Variants in VPS8 observed in about 807,000 individuals in gnomAD.
VPS8 encodes vacuolar protein sorting-associated protein 8 homolog.
In VPS8, 129 loss-of-function variants were observed where a neutral mutation model predicts 216.4. That is an observed-to-expected ratio of 0.60 (90% CI 0.52 to 0.69). VPS8 has a LOEUF of 0.69. Among genes scored for constraint, VPS8 ranks in the 30% least tolerant of loss-of-function variants. The pLI, the probability that VPS8 is intolerant of heterozygous loss-of-function variation, is 0.00. For missense variants in VPS8, 1,531 were observed against 1,683.5 expected, an observed-to-expected ratio of 0.91 and a Z score of 1.59; for synonymous variants, 571 against 565.4, an observed-to-expected ratio of 1.01 and a Z score of -0.14.
chr3:184,826,722 T>C (rs1208983330), intron 3 of VPS8, among the ~76,000 whole-genome samples: 3 of 152,272 alleles, frequency 2.0e-5, no homozygotes, highest in South Asian at 2.1e-4. Flanking sequence ...ACCACTGATA[T>C]TCAAATAGCT....
intron 39 of VPS8, among the ~76,000 whole-genome samples, chr3:184,970,372 A>G (rs544462400): frequency 6.6e-6 from 1 of 152,360 alleles, no homozygotes; most frequent in Admixed American, 6.5e-5. Flanking sequence ...AGATAAGTAA[A>G]TAAAACCTTG....
intron 35 of VPS8, among the ~76,000 whole-genome samples, chr3:184,938,326 T>A (rs1316201577): frequency 6.6e-6 from 1 of 152,206 alleles, no homozygotes; most frequent in Non-Finnish European, 1.5e-5. Flanking sequence ...AAACATTAAG[T>A]GCTGAGGATA....
At chr3:184,957,312 A>C in intron 36 of VPS8, 62 bp from the exon 37 acceptor site, 3 of 1,500,228 alleles carry the variant, frequency 2.0e-6, no homozygotes, top group Non-Finnish European at 2.7e-6. Context: ...GGTAGCTTTT[A>C]ATTATAGATG....
At chr3:185,048,001 C>A (rs1312532383) in intron 46 of VPS8, among the ~76,000 whole-genome samples, 8 of 152,188 alleles carry the variant, frequency 5.3e-5, no homozygotes, top group Non-Finnish European at 1.2e-4. Context: ...TTCCCAAAAG[C>A]AGCAGACGAA....
intron 21 of VPS8, among the ~76,000 whole-genome samples, chr3:184,871,127 G>A (rs1728264972): frequency 6.6e-6 from 1 of 151,718 alleles, no homozygotes; most frequent in Non-Finnish European, 1.5e-5. Flanking sequence ...ATGTTAACCA[G>A]GTTATTTAGT....
At chr3:184,923,709 C>T (rs181223412) in intron 29 of VPS8, among the ~76,000 whole-genome samples, 27 of 152,300 alleles carry the variant, frequency 1.8e-4, no homozygotes, top group Non-Finnish European at 2.8e-4. Context: ...CATGCTGCTG[C>T]ATTCTAATAA....
chr3:184,964,406 G>A, intron 37 of VPS8, 62 bp from the exon 38 acceptor site: 2 of 1,041,070 alleles, frequency 1.9e-6, no homozygotes, highest in Non-Finnish European at 2.6e-6. Context: ...ATCCTCAATG[G>A]GATCTTCCCA....
chr3:184,931,693 T>C (rs1194046838), intron 34 of VPS8, among the ~76,000 whole-genome samples: 1 of 152,174 alleles, frequency 6.6e-6, no homozygotes, highest in Non-Finnish European at 1.5e-5. Context: ...GAATATGTTA[T>C]TTAGTGTTGT....
intron 7 of VPS8, 98 bp downstream of exon 7, chr3:184,839,850 T>C: frequency 6.8e-7 from 1 of 1,463,170 alleles, no homozygotes; most frequent in South Asian, 1.4e-5. Flanking sequence ...CTTGATTTTC[T>C]TGAACAAAAC....
intron 1 of VPS8, among the ~76,000 whole-genome samples, chr3:184,820,645 A>G (rs893630719): frequency 9.9e-5 from 15 of 152,132 alleles, no homozygotes; most frequent in Admixed American, 9.8e-4. Context: ...CTTTTAAAAA[A>G]AATTTGAGCA....
At chr3:184,937,459 T>A (rs1370329895) in intron 35 of VPS8, among the ~76,000 whole-genome samples, 1 of 152,228 alleles carries the variant, frequency 6.6e-6, no homozygotes, top group Non-Finnish European at 1.5e-5. Flanking sequence ...TCTCTACCAG[T>A]GTGCTAGGCC....
intron 46 of VPS8, among the ~76,000 whole-genome samples, chr3:185,024,849 A>T (rs1233178428): frequency 6.6e-6 from 1 of 152,136 alleles, no homozygotes; most frequent in African/African-American, 2.4e-5. Context: ...CTAAAAATAG[A>T]AAATTAGCTC....
At chr3:184,971,888 A>G in intron 40 of VPS8, 136 bp downstream of exon 40, 1 of 631,230 alleles carries the variant, frequency 1.6e-6, no homozygotes, top group Non-Finnish European at 2.8e-6. Flanking sequence ...CAGCCTGACC[A>G]ACATGGAGAA....
intron 42 of VPS8, among the ~76,000 whole-genome samples, chr3:184,985,500 G>A (rs1054668348): frequency 6.6e-6 from 1 of 152,128 alleles, no homozygotes; most frequent in Non-Finnish European, 1.5e-5. Flanking sequence ...TATTCATAGG[G>A]CTCTATTCAA....
At chr3:184,919,653 T>A (rs1738265618) in intron 28 of VPS8, among the ~76,000 whole-genome samples, 1 of 152,188 alleles carries the variant, frequency 6.6e-6, no homozygotes, top group African/African-American at 2.4e-5. Context: ...TAATAATTTT[T>A]AAAAATGCCT....
At chr3:184,917,983 T>G (rs1416862893) in intron 28 of VPS8, among the ~76,000 whole-genome samples, 9 of 152,046 alleles carry the variant, frequency 5.9e-5, no homozygotes. Flanking sequence ...ATCACATTGG[T>G]GATTAGGTTC....
At chr3:184,878,942 A>G (rs923538956) in intron 21 of VPS8, among the ~76,000 whole-genome samples, 1 of 152,184 alleles carries the variant, frequency 6.6e-6, no homozygotes, top group African/African-American at 2.4e-5. Flanking sequence ...GTATGCGTGT[A>G]TACATATGTA....
intron 47 of VPS8, among the ~76,000 whole-genome samples, chr3:185,051,602 C>G (rs1414764315): frequency 6.6e-6 from 1 of 152,158 alleles, no homozygotes; most frequent in Non-Finnish European, 1.5e-5. Context: ...TGGGAGAGCT[C>G]TCCAGTGCCA....
At chr3:184,851,725 A>G (rs886200583) in intron 10 of VPS8, among the ~76,000 whole-genome samples, 1 of 152,168 alleles carries the variant, frequency 6.6e-6, no homozygotes, top group African/African-American at 2.4e-5. Context: ...AGAATTTTAC[A>G]GTGGCCTCCA....
Sources: allele counts gnomAD v4.1 joint callset (sites outside exome capture counted in the v4.1 genomes callset), GRCh38; gene constraint gnomAD v4.1.1; transcripts MANE v1.5; gene names NCBI Gene and HGNC (gene_info 2026-07-23, HGNC 2026-07-21).